The following ZNF14 variants were observed in gnomAD, a reference collection of about 807,000 sequenced individuals.
The protein encoded by ZNF14 is gonadotropin inducible transcription repressor-4.
In ZNF14, 9 loss-of-function variants were observed where a neutral mutation model predicts 11.3. The ratio of observed to expected loss-of-function variants is 0.80; its 90% confidence interval spans 0.48 to 1.39. The LOEUF is 1.39. Ranked by LOEUF, ZNF14 falls within the 40% of genes most tolerant of loss-of-function variation. The pLI is 0.00. For synonymous variants in ZNF14, 239 were observed against 245.7 expected (o/e 0.97, Z 0.25); for missense variants, 711 against 763.9 (o/e 0.93, Z 0.82).
intron 1 of ZNF14, among the ~76,000 whole-genome samples, chr19:19,717,183 A>G (rs1314183589): frequency 1.3e-5 from 2 of 152,092 alleles, no homozygotes; most frequent in African/African-American, 2.4e-5. Context: ...GCCAACTACA[A>G]ATCTGGAGTT....
chr19:19,713,059 A>G lies in ZNF14; in HGVS notation c.222T>C (p.Ser74=). 2.5e-6 allele frequency: 4 copies of G among 1,607,756 alleles called. No homozygotes were observed. The highest frequency in any genetic ancestry group is 3.4e-6 in the Non-Finnish European group (4 of 1,176,568). Residue 74 remains serine (S), a synonymous_variant, in exon 4 of 4, where the codon AGT becomes AGC. Coordinates refer to ENST00000344099, the MANE Select transcript of ZNF14 (RefSeq NM_021030.3). ...RCHMVERLCE[S]RRGSKCGETT... ...TTTCTCCACATTTGCTACCTCTTCTACTTTCACAGAGTCTCTCAACCATAT... is the reference window on the plus strand; with the variant it reads ...TTTCTCCACATTTGCTACCTCTTCTGCTTTCACAGAGTCTCTCAACCATAT...
chr19:19,714,536 C>T lies in ZNF14; in HGVS notation c.4-49G>A, dbSNP rs1197270600. On this transcript the variant is annotated intron_variant, in intron 1 of 3. Transcript: ENST00000344099. ...CAGAGGATGGGTAAGACTGGCAGTA[C>T]TGGGGATCTATACTTGATTTGTAAG... The T allele has an allele frequency of 3.2e-6, 5 of 1,578,320 alleles. No homozygotes were observed. In the African/African-American group the frequency reaches 4.1e-5, roughly 13 times the overall value.
rs137958672 is a variant in ZNF14, at chr19:19,712,637, T to C, written c.644A>G (p.His215Arg). ...ATAGGGTTTCTTTCCAGTATGAGCA[T>C]GTTTTTGAAAAGACTGGTAATATAT... ...TFIYYQSFQK[H>R]AHTGKKPYEC... Residue 215 changes from histidine to arginine, a missense_variant, in exon 4 of 4, where the codon CAT becomes CGT. By Grantham distance (29) the His-to-Arg change is conservative (BLOSUM62 0). Transcript: ENST00000344099. 1.7e-4 allele frequency: 269 copies of C among 1,613,894 alleles called. No homozygotes were observed. Among genetic ancestry groups the C allele is most frequent in the Non-Finnish European group, 1.5e-4 (181 of 1,179,992 alleles).
At position 19,728,109 on chromosome 19, in the gene ZNF14, CTT is replaced by C. The variant is rs931192937; in HGVS notation, c.3+4845_3+4846del. On this transcript the variant is annotated intron_variant, in intron 1 of 3. Coordinates refer to ENST00000344099, the MANE Select transcript of ZNF14 (RefSeq NM_021030.3). ...CCAGCCTGGGCAACACAGTGAGACTCTTGTCTCAAACAAAACAAAACAAAACA... is the reference window on the plus strand; with the variant it reads ...CCAGCCTGGGCAACACAGTGAGACTCGTCTCAAACAAAACAAAACAAAACA... Among the ~76,000 whole-genome samples, 3 of 131,806 alleles carry C rather than the reference CTT, an allele frequency of 2.3e-5. 1 individual carries two copies. The highest frequency in any genetic ancestry group is 5.0e-5 in the Non-Finnish European group (3 of 59,524). 86.5% of individuals were successfully genotyped at this position (131,806 alleles called of 152,430 possible).
intron 2 of ZNF14, 58 bp from the exon 3 acceptor site, chr19:19,714,209 A>G: frequency 6.3e-7 from 1 of 1,595,538 alleles, no homozygotes; most frequent in Non-Finnish European, 8.6e-7. Context: ...GAAAATTGTT[A>G]CAGTCTAGTT....
chr19:19,723,770 T>G lies in ZNF14; in HGVS notation c.3+9186A>C, dbSNP rs549497452. On this transcript the variant is annotated intron_variant, in intron 1 of 3. Coordinates refer to ENST00000344099, the MANE Select transcript of ZNF14 (RefSeq NM_021030.3). ...TTGCTTCAATTTCAGAGCCTGTTAT[T>G]GGTCTATTCAGGGATTCAACTTCTT... 3.0e-5 allele frequency among the ~76,000 whole-genome samples: 4 copies of G among 133,594 alleles called. 2 individuals carry two copies. In the South Asian group the frequency reaches 9.7e-4, roughly 33 times the overall value. The allele number at this position is 133,594 out of a possible 152,430, so 87.6% of individuals were successfully genotyped here.
In ZNF14 at chr19:19,712,633, A is replaced by G. The variant is rs1470153748; in HGVS notation, c.648T>C (p.Ala216=). Residue 216 remains alanine, a synonymous_variant, in exon 4 of 4, where the codon GCT becomes GCC. Coordinates refer to ENST00000344099, the MANE Select transcript of ZNF14 (RefSeq NM_021030.3). ...FIYYQSFQKH[A]HTGKKPYECK... is the part of the protein sequence containing the mutation. ...ATTCATAGGGTTTCTTTCCAGTATG[A>G]GCATGTTTTTGAAAAGACTGGTAAT... 2 of 1,613,968 alleles carry G rather than the reference A, an allele frequency of 1.2e-6. No homozygotes were observed. The highest frequency in any genetic ancestry group is 1.1e-5 in the South Asian group (1 of 91,046).
chr19:19,723,543 C>CT (rs539774000), intron 1 of ZNF14, among the ~76,000 whole-genome samples: 1,627 of 151,772 alleles, frequency 0.011, 24 homozygotes, highest in African/African-American at 0.034. Context: ...CTAAAATTCT[C>CT]TTTTTTTTGT....
Position 19,712,130 on chromosome 19 carries a change from GTTCT to G in ZNF14, c.1147_1150del (p.Arg383LeufsTer322), listed in dbSNP as rs2062362798. ...CTCATAAGGTTTCTCTCCAGTATGAGTTCTTTCATGCAATCGAAGAGAAATGGAC... is the reference window on the plus strand; with the variant it reads ...CTCATAAGGTTTCTCTCCAGTATGAGTTCATGCAATCGAAGAGAAATGGAC... On this transcript the variant is annotated frameshift_variant, in exon 4 of 4. Transcript: ENST00000344099. LOFTEE classifies it low-confidence loss of function (END_TRUNC). The G allele has an allele frequency of 2.5e-6, 4 of 1,613,986 alleles. No homozygotes were observed. The highest frequency in any genetic ancestry group is 3.4e-6 in the Non-Finnish European group (4 of 1,180,008).
chr19:19,713,142 A>G, intron 3 of ZNF14, 53 bp from the exon 4 acceptor site: 3 of 1,456,116 alleles, frequency 2.1e-6, no homozygotes, highest in Non-Finnish European at 2.8e-6. Flanking sequence ...TTTTGTATTT[A>G]TTAGTAGGTA....
chr19:19,712,554 T>C lies in ZNF14; in HGVS notation c.727A>G (p.Arg243Gly), dbSNP rs2062364766. Residue 243 changes from arginine (R) to glycine (G), a missense_variant, in exon 4 of 4, where the codon AGG (arginine) becomes GGG (glycine). Physicochemically the swap from Arg to Gly is moderately radical, Grantham distance 125 (BLOSUM62 -2). Coordinates refer to ENST00000344099, the MANE Select transcript of ZNF14 (RefSeq NM_021030.3). The part of the protein sequence containing the change: ...ICYQSFQRHK[R>G]THTGEKPYEC... The stretch of plus-strand genomic sequence containing the variant: ...TAGGGTTTCTCTCCAGTGTGAGTCC[T>C]TTTGTGTCTTTGAAAAGATTGGTAA... The C allele has an allele frequency of 1.9e-6, 3 of 1,613,068 alleles. No homozygotes were observed. Among genetic ancestry groups the C allele is most frequent in the Non-Finnish European group, 1.7e-6 (2 of 1,179,726 alleles).
At chr19:19,731,195 A>G (rs2062422166) in intron 1 of ZNF14, among the ~76,000 whole-genome samples, 1 of 152,214 alleles carries the variant, frequency 6.6e-6, no homozygotes, top group Admixed American at 6.5e-5. Flanking sequence ...TAGTATTCCA[A>G]TTCTGAAAAA....
chr19:19,731,264 A>AT (rs1319721220), intron 1 of ZNF14, among the ~76,000 whole-genome samples: 7 of 152,190 alleles, frequency 4.6e-5, no homozygotes, highest in Admixed American at 2.0e-4. Context: ...CCAAACTGAC[A>AT]TATCAGCATC....
chr19:19,718,991 C>A (rs1185538943), intron 1 of ZNF14, among the ~76,000 whole-genome samples: 1 of 152,124 alleles, frequency 6.6e-6, no homozygotes, highest in Non-Finnish European at 1.5e-5. Context: ...GTGTCAAACT[C>A]CTGGCCCCAA....
chr19:19,733,109 C>T lies in ZNF14; in HGVS notation c.-151G>A, dbSNP rs1195563705. ...CATGGGCCAGGAATGGCGACGTCCG[C>T]ACTGCGCAGGCCCAGCGTGGCGCCG... On this transcript the variant is annotated 5_prime_UTR_variant, in exon 1 of 4. Transcript: ENST00000344099. The T allele has an allele frequency of 3.5e-5, 33 of 945,476 alleles. No homozygotes were observed. Among genetic ancestry groups the T allele is most frequent in the Non-Finnish European group, 5.1e-5 (32 of 628,518 alleles). The allele number at this position is 945,476 out of a possible 1,614,324, so 58.6% of individuals were successfully genotyped here. A position where few individuals can be genotyped will look rare whatever the true frequency, so the allele number is the denominator to read the frequency against.
intron 1 of ZNF14, among the ~76,000 whole-genome samples, chr19:19,728,529 A>AC (rs1230394805): frequency 1.5e-5 from 2 of 129,326 alleles, no homozygotes; most frequent in African/African-American, 5.7e-5. Context: ...AAAAAAAAAA[A>AC]AAAAAAACAT....
intron 1 of ZNF14, among the ~76,000 whole-genome samples, chr19:19,721,681 G>C (rs960141907): frequency 1.3e-5 from 2 of 152,120 alleles, no homozygotes; most frequent in Admixed American, 6.6e-5. Context: ...AACAACCTGG[G>C]CTTGGTGTGG....
In ZNF14 at chr19:19,725,730, T is replaced by C. The variant is rs1221000192; in HGVS notation, c.3+7226A>G. On this transcript the variant is annotated intron_variant, in intron 1 of 3. Coordinates refer to ENST00000344099, the MANE Select transcript of ZNF14 (RefSeq NM_021030.3). ...CAGGTATACCAATCAGATGTAGATT[T>C]GTATTTTCACATAGTCCCAAATTTC... 4.5e-5 allele frequency among the ~76,000 whole-genome samples: 6 copies of C among 134,084 alleles called. 2 individuals are homozygous for C. The highest frequency in any genetic ancestry group is 8.3e-5 in the Non-Finnish European group (5 of 60,232). The allele number at this position is 134,084 out of a possible 152,430, so 88.0% of individuals were successfully genotyped here.
At chr19:19,717,229 G>C (rs1031919941) in intron 1 of ZNF14, among the ~76,000 whole-genome samples, 4 of 151,972 alleles carry the variant, frequency 2.6e-5, no homozygotes, top group African/African-American at 9.7e-5. Flanking sequence ...AATTCACTAG[G>C]GCCTCCCTCA....
Sources: allele counts gnomAD v4.1 joint callset (sites outside exome capture counted in the v4.1 genomes callset), GRCh38; gene constraint gnomAD v4.1.1; transcripts MANE v1.5; gene names NCBI Gene and HGNC (gene_info 2026-07-23, HGNC 2026-07-21).